PRKG1: variants seen among roughly 807,000 people sequenced by gnomAD.
The protein encoded by PRKG1 is cGMP-dependent protein kinase 1.
A neutral mutation model predicts 88.1 loss-of-function variants in PRKG1; 35 were observed. That is an observed-to-expected ratio of 0.40 (90% CI 0.30 to 0.53). PRKG1 has a LOEUF of 0.53. Ranked by LOEUF, PRKG1 falls within the 20% of genes least tolerant of loss-of-function variation. The probability of loss-of-function intolerance (pLI) is 0.59; values close to 1 mark genes in which losing one functional copy is unlikely to be tolerated. For missense variants in PRKG1, 540 were observed against 839.8 expected, an observed-to-expected ratio of 0.64 and a Z score of 4.41; for synonymous variants, 303 against 292.5, an observed-to-expected ratio of 1.04 and a Z score of -0.37.
chr10:51,365,467 C>T (rs1842569497), intron 2 of PRKG1, among the ~76,000 whole-genome samples: 1 of 151,946 alleles, frequency 6.6e-6, no homozygotes, highest in African/African-American at 2.4e-5. Context: ...TTTGTGGCTT[C>T]CAACTCTGGG....
chr10:51,277,233 T>G lies in PRKG1; in HGVS notation c.478+123903T>G, dbSNP rs563237074. Among the ~76,000 whole-genome samples the G allele has an allele frequency of 5.9e-5, 9 of 152,296 alleles. No homozygotes were observed. In the South Asian group the frequency reaches 1.7e-3, roughly 28 times the overall value. ...TTAAATAGGCAATCCTTTCCCCATT[T>G]CTTGTTTTTGTCAGGTTTGTCAAAG... On this transcript the variant is annotated intron_variant, in intron 2 of 17. Transcript: ENST00000373980.
At chr10:51,883,873 T>C (rs934249177) in intron 4 of PRKG1, among the ~76,000 whole-genome samples, 1 of 152,066 alleles carries the variant, frequency 6.6e-6, no homozygotes, top group African/African-American at 2.4e-5. Flanking sequence ...TTCCAGGAGG[T>C]AGAATGCTTT....
intron 1 of PRKG1, among the ~76,000 whole-genome samples, chr10:51,041,756 C>T (rs1315922408): frequency 6.6e-6 from 1 of 152,266 alleles, no homozygotes; most frequent in Admixed American, 6.5e-5. Flanking sequence ...TGGAGGAAAT[C>T]AGAATGTTAC....
chr10:51,529,182 G>A (rs548693850), intron 3 of PRKG1, among the ~76,000 whole-genome samples: 35 of 152,022 alleles, frequency 2.3e-4, no homozygotes, highest in African/African-American at 7.2e-4. Context: ...AAATCCTGTT[G>A]ACTTGACCTT....
At position 51,342,902 on chromosome 10, in the gene PRKG1, G is replaced by A. The variant is rs1040487929; in HGVS notation, c.479-124821G>A. ...CAGTTGCAGTAACATTCAGTCCTTG[G>A]ATTAAAAGTTAGGAGGGGTTCATCC... On this transcript the variant is annotated intron_variant, in intron 2 of 17. Coordinates refer to ENST00000373980, the MANE Select transcript of PRKG1 (RefSeq NM_006258.4). Among the ~76,000 whole-genome samples, 3 of 152,100 alleles carry A rather than the reference G, an allele frequency of 2.0e-5. No homozygotes were observed. The South Asian group carries it at 6.2e-4, about 32-fold the overall frequency.
At chr10:52,275,197 C>A (rs1841844071) in intron 12 of PRKG1, among the ~76,000 whole-genome samples, 1 of 152,046 alleles carries the variant, frequency 6.6e-6, no homozygotes. Context: ...TAGGTCCCAG[C>A]TATTTATCTT....
chr10:51,691,139 G>C (rs1841130910), intron 3 of PRKG1, among the ~76,000 whole-genome samples: 1 of 150,152 alleles, frequency 6.7e-6, no homozygotes, highest in African/African-American at 2.4e-5. Flanking sequence ...ATACTGATTG[G>C]CTTAGTTTCC....
At chr10:51,440,412 C>A (rs1389672368) in intron 2 of PRKG1, among the ~76,000 whole-genome samples, 1 of 151,796 alleles carries the variant, frequency 6.6e-6, no homozygotes, top group South Asian at 2.1e-4. Flanking sequence ...AAAATTTTAA[C>A]ACTAGAATTT....
chr10:50,995,764 T>C (rs1285600072), intron 1 of PRKG1, among the ~76,000 whole-genome samples: 1 of 152,240 alleles, frequency 6.6e-6, no homozygotes, highest in Admixed American at 6.5e-5. Flanking sequence ...AAGGAAAGGC[T>C]AGAATCAATA....
chr10:52,262,428 G>C (rs1841454730), intron 10 of PRKG1, among the ~76,000 whole-genome samples: 1 of 151,924 alleles, frequency 6.6e-6, no homozygotes, highest in African/African-American at 2.4e-5. Flanking sequence ...CCACTGCCAT[G>C]CCTGGCTAAT....
chr10:51,917,122 A>G (rs935957546), intron 5 of PRKG1, among the ~76,000 whole-genome samples: 5 of 152,092 alleles, frequency 3.3e-5, no homozygotes, highest in African/African-American at 1.2e-4. Flanking sequence ...GTTTGAGAGC[A>G]GCCTGCCCAA....
At chr10:51,853,429 C>T (rs899336962) in intron 4 of PRKG1, among the ~76,000 whole-genome samples, 15 of 152,090 alleles carry the variant, frequency 9.9e-5, no homozygotes, top group Admixed American at 9.2e-4. Flanking sequence ...AACGAAAACA[C>T]CTGCAGAATA....
intron 3 of PRKG1, among the ~76,000 whole-genome samples, chr10:51,724,151 C>T (rs992302611): frequency 6.6e-6 from 1 of 152,086 alleles, no homozygotes; most frequent in Non-Finnish European, 1.5e-5. Flanking sequence ...AAGAAATCTC[C>T]CCTGCCAAAT....
At chr10:51,850,054 A>G (rs1393233756) in intron 4 of PRKG1, among the ~76,000 whole-genome samples, 1 of 152,264 alleles carries the variant, frequency 6.6e-6, no homozygotes, top group African/African-American at 2.4e-5. Context: ...AGGATTTGAA[A>G]GTGTAAGAAT....
intron 4 of PRKG1, among the ~76,000 whole-genome samples, chr10:51,861,308 G>C (rs1323865931): frequency 1.3e-5 from 2 of 152,150 alleles, no homozygotes; most frequent in Admixed American, 1.3e-4. Context: ...CTTGGATAGA[G>C]TTTTGCTTCT....
At chr10:51,840,901 A>T (rs1302839490) in intron 4 of PRKG1, among the ~76,000 whole-genome samples, 1 of 152,220 alleles carries the variant, frequency 6.6e-6, no homozygotes, top group Non-Finnish European at 1.5e-5. Context: ...TAACACTTAT[A>T]AAAAACAAAC....
Position 51,838,944 on chromosome 10 carries a change from G to A in PRKG1, c.698+34254G>A, listed in dbSNP as rs182826131. Among the ~76,000 whole-genome samples, 1,253 of 149,766 alleles carry A rather than the reference G, an allele frequency of 8.4e-3. 9 individuals carry two copies. The highest frequency in any genetic ancestry group is 0.014 in the Middle Eastern group (4 of 292). On this transcript the variant is annotated intron_variant, in intron 4 of 17. Coordinates refer to ENST00000373980, the MANE Select transcript of PRKG1 (RefSeq NM_006258.4). ...GGCCCATAAATTTAGCTGTATAATG[G>A]CTGTATAATGGCACATACATTTTAA...
rs374247666 is a variant in PRKG1, at chr10:52,107,211, C to T, written c.936-26629C>T. ...AGAATGACCAGAACAAGATGTTACCCAGAAGGGGAGAAATATCCTCTCAGC... is the reference window on the plus strand; with the variant it reads ...AGAATGACCAGAACAAGATGTTACCTAGAAGGGGAGAAATATCCTCTCAGC... On this transcript the variant is annotated intron_variant, in intron 7 of 17. Coordinates refer to ENST00000373980, the MANE Select transcript of PRKG1 (RefSeq NM_006258.4). Among the ~76,000 whole-genome samples, 32 of 152,242 alleles carry T rather than the reference C, an allele frequency of 2.1e-4. 1 individual carries two copies. In the East Asian group the frequency reaches 5.6e-3, roughly 27 times the overall value.
intron 1 of PRKG1, among the ~76,000 whole-genome samples, chr10:51,006,900 AG>A (rs1842945979): frequency 6.6e-6 from 1 of 151,238 alleles, no homozygotes; most frequent in East Asian, 1.9e-4. Context: ...CCTTCAATGC[AG>A]GTTCTGATTC....
Sources: gnomAD v4.1 joint callset for allele counts (sites outside exome capture counted in the v4.1 genomes callset) on GRCh38, gnomAD v4.1.1 for gene constraint, MANE v1.5 for transcripts, NCBI Gene and HGNC (gene_info 2026-07-23, HGNC 2026-07-21) for gene names.